Variants in HOOK3 observed in about 807,000 individuals in gnomAD.
HOOK3 encodes protein Hook homolog 3.
Under a neutral mutation model 116.3 loss-of-function variants are expected in HOOK3, and 24 were observed. That is an observed-to-expected ratio of 0.21 (90% CI 0.15 to 0.29). The LOEUF is 0.29. HOOK3 is among the 10% of genes least tolerant of loss of function. The pLI is 1.00. For missense variants in HOOK3, 632 were observed against 830.2 expected (o/e 0.76, Z 2.93); for synonymous variants, 275 against 283.0 (o/e 0.97, Z 0.28).
rs1243949961 is a variant in HOOK3, at chr8:43,018,577, A to G, written c.*79A>G. ...CACACAAGAACATTTCAGGAAACTCAGCCAGCTTATTTTTTGTTTCTCTTC... is the reference window on the plus strand; with the variant it reads ...CACACAAGAACATTTCAGGAAACTCGGCCAGCTTATTTTTTGTTTCTCTTC... On this transcript the variant is annotated 3_prime_UTR_variant, in exon 22 of 22. Coordinates refer to ENST00000307602, the MANE Select transcript of HOOK3 (RefSeq NM_032410.4). 4 of 1,370,024 alleles carry G rather than the reference A, an allele frequency of 2.9e-6. No homozygotes were observed. The highest frequency in any genetic ancestry group is 3.8e-6 in the Non-Finnish European group (4 of 1,040,268). 84.9% of individuals were successfully genotyped at this position (1,370,024 alleles called of 1,614,324 possible).
intron 19 of HOOK3, among the ~76,000 whole-genome samples, chr8:43,011,168 A>G (rs1563314146): frequency 6.6e-6 from 1 of 151,632 alleles, no homozygotes; most frequent in African/African-American, 2.4e-5. Flanking sequence ...AATTTTTTGT[A>G]TTTTTTAGTA....
chr8:43,015,623 A>C (rs542745792), intron 21 of HOOK3, among the ~76,000 whole-genome samples: 8 of 152,368 alleles, frequency 5.3e-5, no homozygotes, highest in African/African-American at 1.9e-4. Flanking sequence ...AATTAGTCCT[A>C]ACTTTTAAAC....
chr8:42,948,752 CAT>C (rs1315868497), intron 5 of HOOK3, among the ~76,000 whole-genome samples: 1 of 152,168 alleles, frequency 6.6e-6, no homozygotes, highest in African/African-American at 2.4e-5. Context: ...TTCCAACACT[CAT>C]AGGGTGATTC....
chr8:42,906,042 G>A, intron 1 of HOOK3, 131 bp from the exon 2 acceptor site: 1 of 684,194 alleles, frequency 1.5e-6, no homozygotes, highest in East Asian at 2.8e-5. Flanking sequence ...AGCCAAGATG[G>A]GGCCATTGCA....
intron 15 of HOOK3, 123 bp from the exon 16 acceptor site, chr8:42,997,427 C>G (rs564124249): frequency 1.9e-5 from 12 of 623,588 alleles, no homozygotes; most frequent in Admixed American, 5.9e-5. Context: ...CACTACTATA[C>G]TACTACTGCT....
intron 2 of HOOK3, among the ~76,000 whole-genome samples, chr8:42,907,278 T>C (rs1445035784): frequency 1.3e-5 from 2 of 152,220 alleles, no homozygotes; most frequent in Admixed American, 6.5e-5. Flanking sequence ...ATTAGCTACA[T>C]AGAGTTGCCA....
intron 15 of HOOK3, among the ~76,000 whole-genome samples, chr8:42,996,280 G>A (rs1343172119): frequency 6.6e-6 from 1 of 151,774 alleles, no homozygotes; most frequent in Admixed American, 6.6e-5. Flanking sequence ...CAACTACTCA[G>A]GAGGCTGAGG....
chr8:42,942,968 T>G (rs1342670743), intron 4 of HOOK3, among the ~76,000 whole-genome samples: 1 of 152,242 alleles, frequency 6.6e-6, no homozygotes, highest in East Asian at 1.9e-4. Context: ...TGAATTTATA[T>G]TTAATCTTAG....
intron 1 of HOOK3, among the ~76,000 whole-genome samples, chr8:42,899,108 G>T (rs1011798599): frequency 3.9e-5 from 6 of 152,190 alleles, no homozygotes; most frequent in African/African-American, 7.2e-5. Context: ...TATTTGAAGG[G>T]TATCCACAAA....
intron 1 of HOOK3, among the ~76,000 whole-genome samples, chr8:42,904,241 C>A (rs941099357): frequency 6.6e-6 from 1 of 151,058 alleles, no homozygotes; most frequent in African/African-American, 2.4e-5. Flanking sequence ...GTATATAAAC[C>A]TACTCAAATG....
In HOOK3 at chr8:43,013,312, CTTTTTT is replaced by C; in HGVS notation, c.1945-8_1945-3del. On this transcript the variant is annotated splice_polypyrimidine_tract_variant and intron_variant, in intron 20 of 21. Coordinates refer to ENST00000307602, the MANE Select transcript of HOOK3 (RefSeq NM_032410.4). The stretch of plus-strand genomic sequence containing the variant: ...TTATATCTTTACATATTTACATGTG[CTTTTTT>C]TTTTTTTTAGAAAGAATATGAGAAA... 8.3e-7 allele frequency: 1 copy of C among 1,201,614 alleles called. No homozygotes were observed. The highest frequency in any genetic ancestry group is 1.1e-6 in the Non-Finnish European group (1 of 886,094). The allele number at this position is 1,201,614 out of a possible 1,614,324, so 74.4% of individuals were successfully genotyped here.
intron 5 of HOOK3, among the ~76,000 whole-genome samples, chr8:42,947,004 C>T (rs964801205): frequency 4.6e-5 from 7 of 152,114 alleles, no homozygotes; most frequent in African/African-American, 7.2e-5. Flanking sequence ...CTCCTGACCT[C>T]ATGATCCGCC....
intron 13 of HOOK3, among the ~76,000 whole-genome samples, chr8:42,980,216 G>A (rs1301224680): frequency 6.6e-6 from 1 of 151,972 alleles, no homozygotes. Context: ...GCCTCCCAAA[G>A]TGCTGGGATT....
At chr8:42,923,254 T>C (rs147764335) in intron 2 of HOOK3, among the ~76,000 whole-genome samples, 2 of 152,316 alleles carry the variant, frequency 1.3e-5, no homozygotes, top group Admixed American at 1.3e-4. Flanking sequence ...CTGGTGAGGA[T>C]GCAAAATATA....
rs1478322837 is a variant in HOOK3 at position 42,949,776 on chromosome 8, G to C, written c.401-612G>C. Among the ~76,000 whole-genome samples the C allele has an allele frequency of 2.0e-5, 3 of 152,136 alleles. No homozygotes were observed. In the East Asian group the frequency reaches 5.8e-4, roughly 29 times the overall value. On this transcript the variant is annotated intron_variant, in intron 5 of 21. Transcript: ENST00000307602. The stretch of plus-strand genomic sequence containing the variant: ...CTACTAAAATACAAAAATTAGTTGG[G>C]TGTGGTGGCGCACGCCTGTAGTCCC...
chr8:42,924,711 G>A (rs1158051877), intron 2 of HOOK3, among the ~76,000 whole-genome samples: 3 of 152,024 alleles, frequency 2.0e-5, no homozygotes, highest in East Asian at 1.9e-4. Flanking sequence ...GATGGCTCAC[G>A]CCTGTAATCC....
At chr8:43,007,627 C>T (rs990358980) in intron 17 of HOOK3, among the ~76,000 whole-genome samples, 4 of 152,126 alleles carry the variant, frequency 2.6e-5, no homozygotes, top group African/African-American at 9.7e-5. Context: ...GCAGGTCTAT[C>T]TAAACTAAAT....
At chr8:42,990,232 GGGATCCTCC>G (rs1296368834) in intron 15 of HOOK3, among the ~76,000 whole-genome samples, 1 of 148,128 alleles carries the variant, frequency 6.8e-6, no homozygotes, top group African/African-American at 2.5e-5. Context: ...CTGGACTCAA[GGGATCCTCC>G]CACCTCAGCT....
chr8:42,934,389 CAT>C (rs1471771930), intron 4 of HOOK3, among the ~76,000 whole-genome samples: 10 of 151,874 alleles, frequency 6.6e-5, no homozygotes, highest in African/African-American at 9.7e-5. Context: ...TTTTTACTTT[CAT>C]ATGTTTTTTT....
Sources: allele counts gnomAD v4.1 joint callset (sites outside exome capture counted in the v4.1 genomes callset), GRCh38; gene constraint gnomAD v4.1.1; transcripts MANE v1.5; gene names NCBI Gene and HGNC (gene_info 2026-07-23, HGNC 2026-07-21).